The following PACS2 variants were observed in gnomAD, a reference collection of about 807,000 sequenced individuals.
The protein encoded by PACS2 is PACS1-like protein.
Under a neutral mutation model 113.0 loss-of-function variants are expected in PACS2, and 36 were observed. The observed-to-expected ratio is 0.32, with a 90% confidence interval of 0.24 to 0.42. The LOEUF is 0.42. PACS2 is among the 10% of genes least tolerant of loss of function. The probability of loss-of-function intolerance (pLI) is 1.00; values close to 1 mark genes in which losing one functional copy is unlikely to be tolerated. For missense variants in PACS2, 1,015 were observed against 1,239.5 expected, an observed-to-expected ratio of 0.82 and a Z score of 2.72; for synonymous variants, 589 against 536.1, an observed-to-expected ratio of 1.10 and a Z score of -1.36.
At chr14:105,370,132 C>A in intron 8 of PACS2, 1 of 449,220 alleles carries the variant, frequency 2.2e-6, no homozygotes, top group Non-Finnish European at 4.0e-6. Context: ...CCCTGGAAGT[C>A]GGAAAGTCAT....
chr14:105,303,274 C>T (rs1399904877), intron 1 of PACS2, among the ~76,000 whole-genome samples: 6 of 151,446 alleles, frequency 4.0e-5, no homozygotes, highest in African/African-American at 9.7e-5. Flanking sequence ...GGTGGAGTCT[C>T]GCTCTGTCAC....
In PACS2 at chr14:105,349,603, T is replaced by C. The variant is rs587602546; in HGVS notation, c.207+1023T>C. On this transcript the variant is annotated intron_variant, in intron 2 of 24. Transcript: ENST00000447393. ...CACCAGCCAAGCACTGGGTCTTGAG[T>C]GCGAGGAGGCCTGAGGCTTGTTGTC... 2.6e-5 allele frequency among the ~76,000 whole-genome samples: 4 copies of C among 152,362 alleles called. No individual in the cohort carries two copies. In the East Asian group the frequency reaches 7.7e-4, roughly 29 times the overall value.
intron 3 of PACS2, 56 bp downstream of exon 3, chr14:105,352,523 G>C: frequency 9.2e-7 from 1 of 1,088,826 alleles, no homozygotes; most frequent in Non-Finnish European, 1.4e-6. Flanking sequence ...GGGGAGACGG[G>C]CCCCCCTCAT....
intron 19 of PACS2, chr14:105,389,571 C>T: frequency 3.9e-6 from 1 of 256,830 alleles, no homozygotes; most frequent in Admixed American, 4.6e-5. Context: ...GCAGGGGTGC[C>T]CAGCTTGGTG....
rs766058164 is a variant in PACS2 at position 105,324,622 on chromosome 14, A to G, written c.119+9585A>G. ...TGTGCTCAGCTCAGGCCGACTTAGC[A>G]GGGTTGTGAGAGTGATGAGAGCGTG... On this transcript the variant is annotated intron_variant, in intron 1 of 24. Coordinates refer to ENST00000447393, the MANE Select transcript of PACS2 (RefSeq NM_001100913.3). This position sits in a 1 kb window ranked among gnomAD's most constrained non-coding sequence, Gnocchi z 4.7. 2.0e-4 allele frequency among the ~76,000 whole-genome samples: 30 copies of G among 152,290 alleles called. No homozygotes were observed. The highest frequency in any genetic ancestry group is 6.8e-3 in the Middle Eastern group (2 of 294).
At chr14:105,353,718 C>T (rs1202191757) in intron 3 of PACS2, among the ~76,000 whole-genome samples, 1 of 151,918 alleles carries the variant, frequency 6.6e-6, no homozygotes, top group Non-Finnish European at 1.5e-5. Flanking sequence ...TTCAGCCTCC[C>T]GAGCAGCTGG....
At chr14:105,370,461 C>G (rs1365327283) in intron 8 of PACS2, 1 of 152,052 alleles carries the variant, frequency 6.6e-6, no homozygotes, top group Non-Finnish European at 1.5e-5. Flanking sequence ...GCCTGTAATC[C>G]CAGCACTTTG....
intron 24 of PACS2, 32 bp from the exon 25 acceptor site, chr14:105,394,522 G>A (rs199711599): frequency 1.2e-6 from 2 of 1,608,034 alleles, no homozygotes; most frequent in South Asian, 1.1e-5. Context: ...GCCGGGCAGG[G>A]GGGCAGGCGG....
intron 4 of PACS2, among the ~76,000 whole-genome samples, chr14:105,363,022 T>A (rs1242935798): frequency 6.6e-6 from 1 of 152,230 alleles, no homozygotes; most frequent in Non-Finnish European, 1.5e-5. Context: ...AACCTTTTTT[T>A]TCCCAAGCAA....
rs2080972362 is a variant in PACS2, at chr14:105,381,003, C to T, written c.1172C>T (p.Pro391Leu). 6.2e-7 allele frequency: 1 copy of T among 1,612,468 alleles called. No individual in the cohort carries two copies. Among genetic ancestry groups the T allele is most frequent in the South Asian group, 1.1e-5 (1 of 91,008 alleles). Residue 391 changes from proline to leucine, a missense_variant, in exon 12 of 25, where the codon CCC becomes CTC. Pro to Leu is a moderately conservative substitution (Grantham distance 98, BLOSUM62 -3). Around this residue, in one of 3 missense-constraint regions of PACS2, gnomAD observed 859 missense variants for 1,056.8 expected, o/e 0.81. Coordinates refer to ENST00000447393, the MANE Select transcript of PACS2 (RefSeq NM_001100913.3). The stretch of plus-strand genomic sequence containing the variant: ...CACCCTGGACAGCCTGAGGACAGCC[C>T]CGAGGCTGAGGCCTCCACCCTGGAT... ...REHPGQPEDS[P>L]EAEASTLDVF... is the part of the protein sequence containing the mutation.
In PACS2 at chr14:105,379,178, G is replaced by A. The variant is rs587776003; in HGVS notation, c.960-561G>A. ...GCATCAGTGTGGATAGTGTGGAAAG[G>A]CCTGGGTGGTCCGGAAAGGCCTGGA... On this transcript the variant is annotated intron_variant, in intron 9 of 24. Coordinates refer to ENST00000447393, the MANE Select transcript of PACS2 (RefSeq NM_001100913.3). Among the ~76,000 whole-genome samples, 6 of 152,324 alleles carry A rather than the reference G, an allele frequency of 3.9e-5. No individual in the cohort carries two copies. In the East Asian group the frequency reaches 1.2e-3, roughly 29 times the overall value.
chr14:105,332,311 T>TG (rs2059332123), intron 1 of PACS2, among the ~76,000 whole-genome samples: 1 of 152,170 alleles, frequency 6.6e-6, no homozygotes, highest in African/African-American at 2.4e-5. Context: ...CTCCCCTCTG[T>TG]GGGCTGTGTT....
chr14:105,315,951 G>C lies in PACS2; in HGVS notation c.119+914G>C, dbSNP rs1225920691. On this transcript the variant is annotated intron_variant, in intron 1 of 24. Coordinates refer to ENST00000447393, the MANE Select transcript of PACS2 (RefSeq NM_001100913.3). This position sits in a 1 kb window ranked among gnomAD's most constrained non-coding sequence, Gnocchi z 4.4. ...GATGGGAGGGTGAGCGGACCTTCCA[G>C]GCACTGGAAGTGGCCAGTATGCCTG... is the stretch of plus-strand genomic sequence containing the variant. Among the ~76,000 whole-genome samples the C allele has an allele frequency of 2.0e-5, 3 of 152,226 alleles. No individual in the cohort carries two copies. The highest frequency in any genetic ancestry group is 4.4e-5 in the Non-Finnish European group (3 of 68,044).
intron 21 of PACS2, 76 bp from the exon 22 acceptor site, chr14:105,391,555 C>A: frequency 2.4e-6 from 2 of 838,118 alleles, no homozygotes; most frequent in Non-Finnish European, 3.4e-6. Context: ...CTGGCCACAT[C>A]CTGGTCCGGA....
At position 105,380,075 on chromosome 14, in the gene PACS2, C is replaced by G. The variant is rs781825888; in HGVS notation, c.1051-5C>G. The G allele has an allele frequency of 3.2e-6, 5 of 1,551,886 alleles. No homozygotes were observed. The highest frequency in any genetic ancestry group is 1.4e-5 in the African/African-American group (1 of 73,108). On this transcript the variant is annotated splice_polypyrimidine_tract_variant and splice_region_variant and intron_variant, in intron 10 of 24. Coordinates refer to ENST00000447393, the MANE Select transcript of PACS2 (RefSeq NM_001100913.3). ...ACAAGCTGATTCCCATCTCCTCCCC[C>G]ACAGGCTGACGTGCCCGAGAAGACG...
intron 14 of PACS2, 89 bp downstream of exon 14, chr14:105,382,670 G>T: frequency 1.0e-6 from 1 of 988,450 alleles, no homozygotes; most frequent in Non-Finnish European, 1.6e-6. Flanking sequence ...GGCACACCTG[G>T]GTGCTGGAGC....
intron 1 of PACS2, among the ~76,000 whole-genome samples, chr14:105,338,120 C>G (rs180775926): frequency 2.7e-4 from 41 of 152,324 alleles, no homozygotes; most frequent in Middle Eastern, 3.4e-3. Context: ...GGCGCTGGCC[C>G]GGTTTCCTGG....
In PACS2 at chr14:105,330,727, G is replaced by T. The variant is rs773646923; in HGVS notation, c.119+15690G>T. Among the ~76,000 whole-genome samples, 1 of 152,252 alleles carries T rather than the reference G, an allele frequency of 6.6e-6. No homozygotes were observed. The highest frequency in any genetic ancestry group is 6.5e-5 in the Admixed American group (1 of 15,288). On this transcript the variant is annotated intron_variant, in intron 1 of 24. Coordinates refer to ENST00000447393, the MANE Select transcript of PACS2 (RefSeq NM_001100913.3). The surrounding 1 kb of genome is among the most constrained non-coding windows in gnomAD (Gnocchi z 6.9). ...CTGTCTTTTCTCAGGCAATCGCCAT[G>T]GTACCCAGGGCTGGCCTTGTTTCAG...
chr14:105,303,985 C>G (rs1202619403), intron 1 of PACS2, among the ~76,000 whole-genome samples: 1 of 152,232 alleles, frequency 6.6e-6, no homozygotes, highest in Non-Finnish European at 1.5e-5. Context: ...GCCACTGGAT[C>G]CTTGCTCTCA....
Sources: allele counts gnomAD v4.1 joint callset (sites outside exome capture counted in the v4.1 genomes callset), GRCh38; gene constraint gnomAD v4.1.1; regional missense constraint gnomAD v4.1.1; non-coding constraint Gnocchi (gnomAD v3.1); transcripts MANE v1.5; gene names NCBI Gene and HGNC (gene_info 2026-07-23, HGNC 2026-07-21).